Variants in OTUD4 observed in about 807,000 individuals in gnomAD.
The protein encoded by OTUD4 is OTU domain-containing protein 4.
A neutral mutation model predicts 130.4 loss-of-function variants in OTUD4; 24 were observed. That is an observed-to-expected ratio of 0.18 (90% CI 0.13 to 0.26). The LOEUF (loss-of-function observed/expected upper bound fraction) is 0.26, where lower values mean the gene tolerates loss of function less well. Among genes scored for constraint, OTUD4 ranks in the 10% least tolerant of loss-of-function variants. The pLI, the probability that OTUD4 is intolerant of heterozygous loss-of-function variation, is 1.00. For synonymous variants in OTUD4, 420 were observed against 472.5 expected, an observed-to-expected ratio of 0.89 and a Z score of 1.44; for missense variants, 1,031 against 1,329.4, an observed-to-expected ratio of 0.78 and a Z score of 3.49.
chr4:145,170,930 G>GT (rs1230944461), intron 3 of OTUD4: 1 of 152,180 alleles, frequency 6.6e-6, no homozygotes, highest in African/African-American at 2.4e-5. Context: ...GCAGGAGTTG[G>GT]TGAGTAAGTG....
chr4:145,141,328 A>G (rs1404809064), intron 19 of OTUD4, 51 bp downstream of exon 19: 2 of 1,489,298 alleles, frequency 1.3e-6, no homozygotes, highest in Non-Finnish European at 1.8e-6. Flanking sequence ...TTTCTTAACT[A>G]AGCTTATTTG....
chr4:145,153,293 G>A (rs1179310361), intron 10 of OTUD4, among the ~76,000 whole-genome samples: 1 of 152,154 alleles, frequency 6.6e-6, no homozygotes, highest in African/African-American at 2.4e-5. Context: ...CTGAAGGCAG[G>A]GCTGTGGCCC....
intron 1 of OTUD4, 57 bp downstream of exon 1, chr4:145,179,758 G>GA: frequency 8.8e-7 from 1 of 1,140,668 alleles, no homozygotes; most frequent in Non-Finnish European, 1.2e-6. Flanking sequence ...TCCCCACCCA[G>GA]ACCCGCCGGG....
chr4:145,143,514 C>CT, intron 16 of OTUD4, 69 bp from the exon 17 acceptor site: 2 of 877,108 alleles, frequency 2.3e-6, no homozygotes, highest in Non-Finnish European at 3.7e-6. Context: ...TGATGGTTTC[C>CT]TTTTATAATT....
chr4:145,161,063 T>C (rs1407286827), intron 6 of OTUD4, among the ~76,000 whole-genome samples: 1 of 152,048 alleles, frequency 6.6e-6, no homozygotes, highest in Non-Finnish European at 1.5e-5. Context: ...TGAGCCAAGA[T>C]TGTGCCACTG....
At chr4:145,172,496 T>C (rs1234011272) in intron 2 of OTUD4, among the ~76,000 whole-genome samples, 1 of 152,220 alleles carries the variant, frequency 6.6e-6, no homozygotes, top group Admixed American at 6.5e-5. Flanking sequence ...ATTCAAGCTG[T>C]GTAATAACAC....
chr4:145,155,970 TCAGCAG>T lies in OTUD4; in HGVS notation c.650_655del (p.Ala217_Ala218del), dbSNP rs150581210. ...TGACAAAGGTTTAAATCCATTCACATCAGCAGCAGCAGCAGCAGTCTTACTCCTACA... is the reference window on the plus strand; with the variant it reads ...TGACAAAGGTTTAAATCCATTCACATCAGCAGCAGCAGTCTTACTCCTACA... On this transcript the variant is annotated inframe_deletion, in exon 8 of 21. Transcript: ENST00000447906. The T allele has an allele frequency of 4.4e-6, 7 of 1,606,724 alleles. No individual in the cohort carries two copies. The highest frequency in any genetic ancestry group is 2.2e-5 in the East Asian group (1 of 44,730).
intron 11 of OTUD4, among the ~76,000 whole-genome samples, chr4:145,151,951 T>A (rs4508909): frequency 0.28 from 41,900 of 152,034 alleles, 7,229 homozygotes; most frequent in Non-Finnish European, 0.38. Flanking sequence ...TTAAAATGAA[T>A]CCCTCCAAAG....
At position 145,144,074 on chromosome 4, in the gene OTUD4, A is replaced by T. The variant is rs1553997675; in HGVS notation, c.1547-73T>A. The T allele has an allele frequency of 8.8e-6, 11 of 1,255,382 alleles. 1 individual carries two copies. In the South Asian group the frequency reaches 1.3e-4, roughly 14 times the overall value. 77.8% of individuals were successfully genotyped at this position (1,255,382 alleles called of 1,614,324 possible). On this transcript the variant is annotated intron_variant, in intron 15 of 20. Coordinates refer to ENST00000447906, the MANE Select transcript of OTUD4 (RefSeq NM_001366057.1). ...TCTGAACACAGAAGAACAAAATACG[A>T]AGATAGAAGAAGCCAAAAGTATTAT...
At chr4:145,157,199 GA>G (rs900961971) in intron 7 of OTUD4, among the ~76,000 whole-genome samples, 16 of 151,094 alleles carry the variant, frequency 1.1e-4, no homozygotes, top group Admixed American at 2.0e-4. Flanking sequence ...CTGCTATAAA[GA>G]AAAAAAAATA....
chr4:145,138,778 T>A, intron 20 of OTUD4, 128 bp from the exon 21 acceptor site: 1 of 723,858 alleles, frequency 1.4e-6, no homozygotes, highest in Non-Finnish European at 2.2e-6. Context: ...TAATCTATAG[T>A]CCAAATACTA....
intron 7 of OTUD4, 80 bp from the exon 8 acceptor site, chr4:145,156,076 C>T (rs1200273017): frequency 6.3e-6 from 7 of 1,118,224 alleles, no homozygotes; most frequent in Non-Finnish European, 1.3e-6. Flanking sequence ...TAAACGTCTT[C>T]AAAGTCAGAA....
intron 6 of OTUD4, among the ~76,000 whole-genome samples, chr4:145,161,157 AC>A (rs1751544230): frequency 6.8e-6 from 1 of 147,242 alleles, no homozygotes; most frequent in East Asian, 2.1e-4. Context: ...CTGGGTGTCC[AC>A]CTCTAAATGA....
rs1197668622 is a variant in OTUD4 at position 145,133,790 on chromosome 4, A to G, written c.*3640T>C. 6.6e-6 allele frequency: 1 copy of G among 152,650 alleles called. No homozygotes were observed. Among genetic ancestry groups the G allele is most frequent in the Non-Finnish European group, 1.5e-5 (1 of 68,036 alleles). 9.5% of individuals were successfully genotyped at this position (152,650 alleles called of 1,614,324 possible). On this transcript the variant is annotated 3_prime_UTR_variant, in exon 21 of 21. Coordinates refer to ENST00000447906, the MANE Select transcript of OTUD4 (RefSeq NM_001366057.1). ...CTACAAAACAGAACATAGAAAAATAAACAGGAATATATTCAACACTTACAA... is the reference window on the plus strand; with the variant it reads ...CTACAAAACAGAACATAGAAAAATAGACAGGAATATATTCAACACTTACAA...
chr4:145,149,004 T>A (rs1750945902), intron 13 of OTUD4, among the ~76,000 whole-genome samples: 1 of 152,188 alleles, frequency 6.6e-6, no homozygotes, highest in Non-Finnish European at 1.5e-5. Context: ...GTATTTGTTA[T>A]GGATTGAAGT....
rs1486293167 is a variant in OTUD4, at chr4:145,155,401, A to C, written c.873+10T>G. On this transcript the variant is annotated intron_variant, in intron 10 of 20. Coordinates refer to ENST00000447906, the MANE Select transcript of OTUD4 (RefSeq NM_001366057.1). ...GTAAAATCTCTTCTTCTTTTACATA[A>C]GTCACTTACTTGACATTTGTCTCCA... The C allele has an allele frequency of 1.2e-6, 2 of 1,603,368 alleles. No homozygotes were observed. The highest frequency in any genetic ancestry group is 4.5e-5 in the East Asian group (2 of 44,776).
intron 19 of OTUD4, among the ~76,000 whole-genome samples, chr4:145,140,329 A>G (rs1179824188): frequency 1.3e-5 from 2 of 152,228 alleles, no homozygotes; most frequent in African/African-American, 4.8e-5. Context: ...TTAGGAAATA[A>G]AAATGTTGAG....
chr4:145,161,111 AAAC>A lies in OTUD4; in HGVS notation c.497-1479_497-1477del, dbSNP rs70956827. Among the ~76,000 whole-genome samples the A allele has an allele frequency of 4.3e-3, 655 of 150,760 alleles. 6 individuals are homozygous for A. Among genetic ancestry groups the A allele is most frequent in the South Asian group, 0.014 (65 of 4,756 alleles). Reference sequence around the variant, plus strand: ...GGCGAGAGAGCAACACTCCACCTCAAAACAACAACAACAACAACAACAACAACA... The same window carrying A: ...GGCGAGAGAGCAACACTCCACCTCAAAACAACAACAACAACAACAACAACA... On this transcript the variant is annotated intron_variant, in intron 6 of 20. Transcript: ENST00000447906.
rs1750341341 is a variant in OTUD4 at position 145,137,621 on chromosome 4, A to C, written c.3154T>G (p.Tyr1052Asp). 1 of 1,613,470 alleles carries C rather than the reference A, an allele frequency of 6.2e-7. No individual in the cohort carries two copies. The highest frequency in any genetic ancestry group is 8.5e-7 in the Non-Finnish European group (1 of 1,179,874). Residue 1052 changes from tyrosine (Y) to aspartate (D), a missense_variant, in exon 21 of 21, where the codon TAC becomes GAC. Around this residue, in one of 3 missense-constraint regions of OTUD4, gnomAD observed 900 missense variants for 1,095.9 expected, o/e 0.82. Coordinates refer to ENST00000447906, the MANE Select transcript of OTUD4 (RefSeq NM_001366057.1). ...CCAGAATAGCCCCAATCACTTTTGT[A>C]CTTCCTGCTTCCATAAGTTTGATTA... is the stretch of plus-strand genomic sequence containing the variant. ...FYNQTYGSRK[Y>D]KSDWGYSGRG...
Sources: gnomAD v4.1 joint callset for allele counts (sites outside exome capture counted in the v4.1 genomes callset) on GRCh38, gnomAD v4.1.1 for gene constraint, gnomAD v4.1.1 regional missense constraint, MANE v1.5 for transcripts, NCBI Gene and HGNC (gene_info 2026-07-23, HGNC 2026-07-21) for gene names.